The following REXO1 variants were observed in gnomAD, a reference collection of about 807,000 sequenced individuals.
The protein encoded by REXO1 is RNA exonuclease 1 homolog.
A neutral mutation model predicts 102.6 loss-of-function variants in REXO1; 42 were observed. The observed-to-expected ratio is 0.41, with a 90% CI of 0.32 to 0.53. The LOEUF (loss-of-function observed/expected upper bound fraction) is 0.53, where lower values mean the gene tolerates loss of function less well. Among genes scored for constraint, REXO1 ranks in the 20% least tolerant of loss-of-function variants. The probability of loss-of-function intolerance (pLI) is 0.27; values close to 1 mark genes in which losing one functional copy is unlikely to be tolerated. For missense variants in REXO1, 1,819 were observed against 1,732.5 expected (o/e 1.05, Z -0.89); for synonymous variants, 908 against 779.1 (o/e 1.17, Z -2.76).
In REXO1 at chr19:1,828,007, C is replaced by G. The variant is rs1599146079; in HGVS notation, c.782G>C (p.Gly261Ala). 6.2e-7 allele frequency: 1 copy of G among 1,612,736 alleles called. No homozygotes were observed. The highest frequency in any genetic ancestry group is 2.2e-5 in the East Asian group (1 of 44,850). ...TGTGTAGGGCTCACTGCCGCGGGAG[C>G]CCCGGGGCCGCTTGGCGGCCCGCTC... ...RDERAAKRPR[G>A]SRGSEPYTPA... Residue 261 changes from glycine to alanine, a missense_variant, in exon 2 of 16, where the codon GGC becomes GCC. Coordinates refer to ENST00000170168, the MANE Select transcript of REXO1 (RefSeq NM_020695.4).
At chr19:1,828,768 G>T in intron 1 of REXO1, 137 bp from the exon 2 acceptor site, 2 of 1,173,066 alleles carry the variant, frequency 1.7e-6, no homozygotes, top group South Asian at 1.6e-5. Context: ...GCCCGCCAAG[G>T]CTCTGGGGTG....
At chr19:1,843,038 A>AGGAACATC (rs1313912252) in intron 1 of REXO1, among the ~76,000 whole-genome samples, 5 of 152,130 alleles carry the variant, frequency 3.3e-5, no homozygotes, top group Non-Finnish European at 5.9e-5. Flanking sequence ...CCCTCCACAC[A>AGGAACATC]GGAACATCAA....
chr19:1,815,840 G>A lies in REXO1; in HGVS notation c.*226C>T, dbSNP rs759665779. 30 of 1,509,652 alleles carry A rather than the reference G, an allele frequency of 2.0e-5. No individual in the cohort carries two copies. In the East Asian group the frequency reaches 3.0e-4, roughly 15 times the overall value. 93.5% of individuals were successfully genotyped at this position (1,509,652 alleles called of 1,614,324 possible). On this transcript the variant is annotated 3_prime_UTR_variant, in exon 16 of 16. Coordinates refer to ENST00000170168, the MANE Select transcript of REXO1 (RefSeq NM_020695.4). The surrounding 1 kb of genome is among the most constrained non-coding windows in gnomAD (Gnocchi z 4.0). ...TCCATCAGCAGCAGTTTCTAGAGAC[G>A]CCAGAGGGCTGGGGGGCAGAGGGTG...
chr19:1,825,730 C>G, intron 3 of REXO1, 109 bp downstream of exon 3: 1 of 741,202 alleles, frequency 1.3e-6, no homozygotes, highest in Admixed American at 2.5e-5. Context: ...CCCGCCTTGG[C>G]CTCCCAAAGT....
chr19:1,835,111 C>T (rs796555282), intron 1 of REXO1: 2 of 180,712 alleles, frequency 1.1e-5, no homozygotes, highest in African/African-American at 4.8e-5. Context: ...CTGGTACACA[C>T]CACTGCCTCC....
At chr19:1,818,013 C>T (rs954291665) in intron 10 of REXO1, among the ~76,000 whole-genome samples, 15 of 152,192 alleles carry the variant, frequency 9.9e-5, no homozygotes, top group African/African-American at 3.6e-4. Flanking sequence ...CTCTTGGCAG[C>T]GCTGCCCCGG....
At chr19:1,836,001 AGAT>A (rs2070028349) in intron 1 of REXO1, among the ~76,000 whole-genome samples, 1 of 152,306 alleles carries the variant, frequency 6.6e-6, no homozygotes, top group African/African-American at 2.4e-5. Context: ...TGGATGACAA[AGAT>A]GATATTTCTT....
At chr19:1,841,734 AGCG>A (rs1394975122) in intron 1 of REXO1, among the ~76,000 whole-genome samples, 13 of 152,118 alleles carry the variant, frequency 8.5e-5, no homozygotes, top group African/African-American at 2.9e-4. Flanking sequence ...CGCTCTGGGG[AGCG>A]GCTCAGGCAC....
intron 1 of REXO1, among the ~76,000 whole-genome samples, chr19:1,837,012 G>A (rs2070059212): frequency 1.3e-5 from 2 of 152,222 alleles, no homozygotes; most frequent in African/African-American, 2.4e-5. Flanking sequence ...CCCCAACCTA[G>A]CCCCTGGGGG....
rs1464961045 is a variant in REXO1 at position 1,815,837 on chromosome 19, G to A, written c.*229C>T. 5 of 1,509,014 alleles carry A rather than the reference G, an allele frequency of 3.3e-6. No individual in the cohort carries two copies. In the Admixed American group the frequency reaches 8.0e-5, roughly 24 times the overall value. 93.5% of individuals were successfully genotyped at this position (1,509,014 alleles called of 1,614,324 possible). A position where few individuals can be genotyped will look rare whatever the true frequency, so the allele number is the denominator to read the frequency against. On this transcript the variant is annotated 3_prime_UTR_variant, in exon 16 of 16. Transcript: ENST00000170168. This position sits in a 1 kb window ranked among gnomAD's most constrained non-coding sequence, Gnocchi z 4.0. ...GTCTCCATCAGCAGCAGTTTCTAGA[G>A]ACGCCAGAGGGCTGGGGGGCAGAGG...
In REXO1 at chr19:1,843,622, AC is replaced by A. The variant is rs1191995886; in HGVS notation, c.157+4579del. Among the ~76,000 whole-genome samples the A allele has an allele frequency of 2.0e-5, 3 of 151,884 alleles. No homozygotes were observed. The East Asian group carries it at 5.8e-4, about 29-fold the overall frequency. On this transcript the variant is annotated intron_variant, in intron 1 of 15. Transcript: ENST00000170168. ...CCACCTGCCACCCGCTGGTAAAATC[AC>A]CCCCGGGTCCTCATACGCCCTGGTC...
intron 1 of REXO1, among the ~76,000 whole-genome samples, chr19:1,836,841 CA>C (rs2145314906): frequency 6.6e-6 from 1 of 152,118 alleles, no homozygotes; most frequent in South Asian, 2.1e-4. Flanking sequence ...AACCAGGCAT[CA>C]GCAGGACTGG....
At position 1,827,190 on chromosome 19, in the gene REXO1, T is replaced by C. The variant is rs1401213955; in HGVS notation, c.1599A>G (p.Pro533=). 8 of 1,540,488 alleles carry C rather than the reference T, an allele frequency of 5.2e-6. No homozygotes were observed. The highest frequency in any genetic ancestry group is 1.7e-4 in the Middle Eastern group (1 of 6,006). ...CAGAGGGCCACACGCTCGGCACCCC[T>C]GGCCCTGCGGCCTCGTCCTCACTCT... The part of the protein sequence containing the change: ...GDESEDEAAG[P]GVPSVWPSAL... Residue 533 remains proline (P), a synonymous_variant, in exon 2 of 16, where the codon CCA becomes CCG. Transcript: ENST00000170168.
In REXO1 at chr19:1,827,920, T is replaced by C. The variant is rs751092921; in HGVS notation, c.869A>G (p.Glu290Gly). Reference sequence around the variant, plus strand: ...ACCTGGGACCGTGGCGGCCTCATCTTCTGAGTCTGAGAACCTTGCATCGCA... The same window carrying C: ...ACCTGGGACCGTGGCGGCCTCATCTCCTGAGTCTGAGAACCTTGCATCGCA... ...GSCDARFSDSEDEAATVPGNE... is the reference protein window; with the variant it reads ...GSCDARFSDSGDEAATVPGNE... Residue 290 changes from glutamate to glycine, a missense_variant, in exon 2 of 16, where the codon GAA becomes GGA. Glu to Gly is a moderately conservative substitution (Grantham distance 98, BLOSUM62 -2). Coordinates refer to ENST00000170168, the MANE Select transcript of REXO1 (RefSeq NM_020695.4). The C allele has an allele frequency of 1.9e-6, 3 of 1,613,750 alleles. No individual in the cohort carries two copies. The highest frequency in any genetic ancestry group is 2.5e-6 in the Non-Finnish European group (3 of 1,179,868).
At chr19:1,820,623 A>AG (rs1198092224) in intron 5 of REXO1, among the ~76,000 whole-genome samples, 3 of 152,266 alleles carry the variant, frequency 2.0e-5, no homozygotes, top group African/African-American at 4.8e-5. Context: ...TGGGGGCACA[A>AG]GGGAACTTGC....
At chr19:1,833,710 G>A (rs775768236) in intron 1 of REXO1, among the ~76,000 whole-genome samples, 11 of 152,218 alleles carry the variant, frequency 7.2e-5, no homozygotes, top group Non-Finnish European at 1.2e-4. Flanking sequence ...CCAGCCGGCT[G>A]CAGAGCACGC....
Position 1,823,690 on chromosome 19 carries a change from T to C in REXO1, c.2112A>G (p.Ala704=). The C allele has an allele frequency of 7.8e-7, 1 of 1,287,364 alleles. No individual in the cohort carries two copies. The highest frequency in any genetic ancestry group is 3.0e-5 in the South Asian group (1 of 32,870). 79.7% of individuals were successfully genotyped at this position (1,287,364 alleles called of 1,614,324 possible). ...CYLRAQQAQR[A]SASLLQAPAR... ...CGGGGGCCTGCAGCAAGCTCGCCGA[T>C]GCCCTCTGCGCCTGCTGGGCCCGCA... The change falls in exon 4 of 16, where the codon GCA becomes GCG. Residue 704 remains alanine (A), a synonymous_variant. Transcript: ENST00000170168.
chr19:1,838,107 G>A (rs560424002), intron 1 of REXO1, among the ~76,000 whole-genome samples: 4 of 152,132 alleles, frequency 2.6e-5, no homozygotes, highest in African/African-American at 9.6e-5. Flanking sequence ...ATGATTTGAG[G>A]TGAGGAGTTT....
In REXO1 at chr19:1,818,774, G is replaced by A. The variant is rs746886124; in HGVS notation, c.2834C>T (p.Pro945Leu). ...CCCGGGCCGCTCTGGGTGCGGGAAG[G>A]GGTAGCCGTTCTCCTTGAGCTGGTC... ...TQDQLKENGY[P>L]FPHPERPGGA... Residue 945 changes from proline to leucine, a missense_variant, in exon 9 of 16, where the codon CCC (proline) becomes CTC (leucine). Transcript: ENST00000170168. 6.2e-7 allele frequency: 1 copy of A among 1,610,216 alleles called. No individual in the cohort carries two copies. Among genetic ancestry groups the A allele is most frequent in the Non-Finnish European group, 8.5e-7 (1 of 1,179,896 alleles).
Sources: gnomAD v4.1 joint callset for allele counts (sites outside exome capture counted in the v4.1 genomes callset) on GRCh38, gnomAD v4.1.1 for gene constraint, Gnocchi (gnomAD v3.1) non-coding constraint, MANE v1.5 for transcripts, NCBI Gene and HGNC (gene_info 2026-07-23, HGNC 2026-07-21) for gene names.